TMEM232: variants seen among roughly 807,000 people sequenced by gnomAD.
TMEM232 encodes transmembrane protein 232.
TMEM232 carries 80 observed loss-of-function variants against 78.8 expected under a neutral mutation model. The observed-to-expected ratio is 1.01, with a 90% CI of 0.85 to 1.22. The LOEUF (loss-of-function observed/expected upper bound fraction) is 1.22, where lower values mean the gene tolerates loss of function less well. Ranked by LOEUF, TMEM232 falls within the 50% of genes most tolerant of loss-of-function variation. The pLI is 0.00. For synonymous variants in TMEM232, 297 were observed against 254.3 expected (o/e 1.17, Z -1.60); for missense variants, 881 against 742.2 (o/e 1.19, Z -2.17).
chr5:110,495,338 G>A (rs1765530587), intron 12 of TMEM232, among the ~76,000 whole-genome samples: 1 of 151,874 alleles, frequency 6.6e-6, no homozygotes, highest in Non-Finnish European at 1.5e-5. Flanking sequence ...TACACTTCCA[G>A]GGTGTCTGAT....
In TMEM232 at chr5:110,498,517, G is replaced by A. The variant is rs1257410985; in HGVS notation, c.1703+30071C>T. 2.0e-4 allele frequency among the ~76,000 whole-genome samples: 31 copies of A among 151,974 alleles called. 1 individual carries two copies. The highest frequency in any genetic ancestry group is 2.0e-3 in the Admixed American group (31 of 15,254). On this transcript the variant is annotated intron_variant, in intron 12 of 13. Coordinates refer to ENST00000455884, the MANE Select transcript of TMEM232 (RefSeq NM_001039763.4). Reference sequence around the variant, plus strand: ...TACCCTTCCAGAGGTGATAAACTCTGGATAAAATATAAAAGTTAACTATTT... The same window carrying A: ...TACCCTTCCAGAGGTGATAAACTCTAGATAAAATATAAAAGTTAACTATTT...
At chr5:110,396,828 CT>C (rs1273127612) in intron 3 of TMEM232, among the ~76,000 whole-genome samples, 14 of 151,990 alleles carry the variant, frequency 9.2e-5, no homozygotes, top group African/African-American at 3.1e-4. Context: ...ATTTTTCTTT[CT>C]TTTTTGGTTT....
chr5:110,607,233 A>G lies in TMEM232; in HGVS notation c.903-946T>C, dbSNP rs77805629. ...TTTTTGACACATTTAAGATTTTTCA[A>G]GACCTTTTTTCATACTAGAAAACTG... is the stretch of plus-strand genomic sequence containing the variant. On this transcript the variant is annotated intron_variant, in intron 8 of 13. Coordinates refer to ENST00000455884, the MANE Select transcript of TMEM232 (RefSeq NM_001039763.4). 2.5e-3 allele frequency among the ~76,000 whole-genome samples: 376 copies of G among 152,084 alleles called. 11 individuals carry two copies. The East Asian group carries it at 0.063, about 26-fold the overall frequency.
chr5:110,720,110 G>A (rs570561152), intron 1 of TMEM232, among the ~76,000 whole-genome samples: 24 of 152,018 alleles, frequency 1.6e-4, no homozygotes, highest in Non-Finnish European at 2.4e-4. Context: ...AGTTTCTTTG[G>A]GGAGGATTTC....
At chr5:110,713,447 G>C (rs1420795780) in intron 1 of TMEM232, among the ~76,000 whole-genome samples, 1 of 151,996 alleles carries the variant, frequency 6.6e-6, no homozygotes, top group Non-Finnish European at 1.5e-5. Flanking sequence ...TGAGGAGATA[G>C]ATTCCCCATT....
At chr5:110,644,482 T>G (rs1787187202) in intron 2 of TMEM232, among the ~76,000 whole-genome samples, 1 of 151,866 alleles carries the variant, frequency 6.6e-6, no homozygotes, top group Non-Finnish European at 1.5e-5. Flanking sequence ...ACATTACTGC[T>G]TCCAATTCGA....
chr5:110,719,209 G>GTATATATA (rs1393150532), intron 1 of TMEM232, among the ~76,000 whole-genome samples: 18 of 151,506 alleles, frequency 1.2e-4, no homozygotes, highest in Non-Finnish European at 2.2e-4. Flanking sequence ...ATATATATGT[G>GTATATATA]TATATATGTA....
chr5:110,587,257 C>G (rs1778923992), intron 10 of TMEM232, among the ~76,000 whole-genome samples: 1 of 151,810 alleles, frequency 6.6e-6, no homozygotes, highest in South Asian at 2.1e-4. Flanking sequence ...AAAAACAGCA[C>G]AAAATACACC....
chr5:110,730,753 C>T (rs1272947720), upstream of TMEM232, among the ~76,000 whole-genome samples: 1 of 152,134 alleles, frequency 6.6e-6, no homozygotes, highest in Admixed American at 6.6e-5. Flanking sequence ...CCCCCAGGTC[C>T]CTCCTACAAT....
chr5:110,620,587 C>A (rs1275072818), intron 7 of TMEM232, among the ~76,000 whole-genome samples: 118 of 32,450 alleles, frequency 3.6e-3, no homozygotes, highest in African/African-American at 7.8e-3. Flanking sequence ...ATCTCTCTCT[C>A]TCTCTCTCTC....
intron 2 of TMEM232, among the ~76,000 whole-genome samples, chr5:110,650,318 C>T (rs112436965): frequency 3.9e-5 from 6 of 151,938 alleles, no homozygotes; most frequent in African/African-American, 1.5e-4. Context: ...CTATTTTTAA[C>T]ATATTCAGAA....
At chr5:110,559,096 T>C (rs1218688098) in intron 11 of TMEM232, among the ~76,000 whole-genome samples, 1 of 152,130 alleles carries the variant, frequency 6.6e-6, no homozygotes, top group African/African-American at 2.4e-5. Context: ...TAGTCAGCCA[T>C]TGTGGTTCTT....
At chr5:110,687,116 TC>T (rs1267309082) in intron 1 of TMEM232, among the ~76,000 whole-genome samples, 1 of 152,086 alleles carries the variant, frequency 6.6e-6, no homozygotes, top group South Asian at 2.1e-4. Flanking sequence ...TGACCTTTCT[TC>T]CCCCTGAGAA....
chr5:110,539,629 C>T (rs1162600595), intron 11 of TMEM232, among the ~76,000 whole-genome samples: 6 of 152,158 alleles, frequency 3.9e-5, no homozygotes, highest in Non-Finnish European at 1.5e-5. Context: ...GGGACAGGCC[C>T]CCTTTCTATG....
chr5:110,597,061 G>C (rs1209967586), intron 10 of TMEM232, among the ~76,000 whole-genome samples: 1 of 152,154 alleles, frequency 6.6e-6, no homozygotes, highest in East Asian at 1.9e-4. Flanking sequence ...AATAGGAAAA[G>C]AGGAAGTCAA....
Position 110,627,765 on chromosome 5 carries a change from A to C in TMEM232, c.601+16T>G. The stretch of plus-strand genomic sequence containing the variant: ...ACATAAAACATTTATAAGTGTAAAA[A>C]TAAAAGATATTCTACCGTATAAATA... On this transcript the variant is annotated intron_variant, in intron 6 of 13. Transcript: ENST00000455884. 1.4e-6 allele frequency: 2 copies of C among 1,418,862 alleles called. No individual in the cohort carries two copies. The highest frequency in any genetic ancestry group is 1.9e-6 in the Non-Finnish European group (2 of 1,058,200). 87.9% of individuals were successfully genotyped at this position (1,418,862 alleles called of 1,614,324 possible).
intron 11 of TMEM232, among the ~76,000 whole-genome samples, chr5:110,556,448 T>A (rs1775105394): frequency 6.6e-6 from 1 of 151,764 alleles, no homozygotes; most frequent in Non-Finnish European, 1.5e-5. Context: ...AGTGCAGTAG[T>A]ACAATCTTGG....
intron 2 of TMEM232, among the ~76,000 whole-genome samples, chr5:110,404,570 A>G (rs1755717951): frequency 6.6e-6 from 1 of 152,142 alleles, no homozygotes; most frequent in Non-Finnish European, 1.5e-5. Flanking sequence ...ATATAAAACC[A>G]TGAATAGAAA....
At chr5:110,651,440 G>A (rs778125340) in intron 2 of TMEM232, among the ~76,000 whole-genome samples, 8 of 150,868 alleles carry the variant, frequency 5.3e-5, no homozygotes, top group African/African-American at 1.2e-4. Context: ...GGAAGGGAAG[G>A]GGAGGAAAAG....
Sources: allele counts gnomAD v4.1 joint callset (sites outside exome capture counted in the v4.1 genomes callset), GRCh38; gene constraint gnomAD v4.1.1; transcripts MANE v1.5; gene names NCBI Gene and HGNC (gene_info 2026-07-23, HGNC 2026-07-21).